PSMB2: variants seen among roughly 807,000 people sequenced by gnomAD.
The protein encoded by PSMB2 is proteasome 20S subunit beta 2, also known as proteasome subunit beta type-2.
A neutral mutation model predicts 25.7 loss-of-function variants in PSMB2; 13 were observed. That is an observed-to-expected ratio of 0.51 (90% CI 0.33 to 0.80). The LOEUF (loss-of-function observed/expected upper bound fraction) is 0.80. Ranked by LOEUF, PSMB2 falls within the 30% of genes least tolerant of loss-of-function variation. The pLI is 0.02. For missense variants in PSMB2, 202 were observed against 259.0 expected (o/e 0.78, Z 1.51); for synonymous variants, 87 against 96.2 (o/e 0.90, Z 0.56).
At chr1:35,609,908 C>G (rs80128410) in intron 3 of PSMB2, among the ~76,000 whole-genome samples, 1 of 152,082 alleles carries the variant, frequency 6.6e-6, no homozygotes, top group Non-Finnish European at 1.5e-5. Flanking sequence ...TATATATATA[C>G]ACACATACGA....
At chr1:35,608,694 C>T (rs1332623323) in intron 4 of PSMB2, among the ~76,000 whole-genome samples, 3 of 152,166 alleles carry the variant, frequency 2.0e-5, no homozygotes, top group Non-Finnish European at 2.9e-5. Flanking sequence ...AGTAGAGCGA[C>T]GGCTTTTTCT....
chr1:35,639,268 A>C (rs1001355900), intron 1 of PSMB2, among the ~76,000 whole-genome samples: 3 of 152,148 alleles, frequency 2.0e-5, no homozygotes, highest in Admixed American at 6.6e-5. Flanking sequence ...ATAAATAAAT[A>C]AAATAAATAA....
At position 35,633,240 on chromosome 1, in the gene PSMB2, A is replaced by G. The variant is rs189912194; in HGVS notation, c.215-1896T>C. ...TGACTCAAAAAAGAAAAAAAAAAAA[A>G]AAGAAGGAACCTAGACAAGTGGGAA... is the stretch of plus-strand genomic sequence containing the variant. On this transcript the variant is annotated intron_variant, in intron 2 of 5. Coordinates refer to ENST00000373237, the MANE Select transcript of PSMB2 (RefSeq NM_002794.5). Among the ~76,000 whole-genome samples the G allele has an allele frequency of 9.9e-5, 15 of 152,032 alleles. No homozygotes were observed. The East Asian group carries it at 2.7e-3, about 27-fold the overall frequency.
At chr1:35,612,078 G>T (rs540347438) in intron 3 of PSMB2, among the ~76,000 whole-genome samples, 1 of 152,200 alleles carries the variant, frequency 6.6e-6, no homozygotes, top group African/African-American at 2.4e-5. Context: ...CTCCAAATAA[G>T]TTTCTGTTTT....
At chr1:35,623,961 T>C (rs1178773910) in intron 3 of PSMB2, among the ~76,000 whole-genome samples, 3 of 152,172 alleles carry the variant, frequency 2.0e-5, no homozygotes, top group African/African-American at 7.2e-5. Context: ...GCCAGCCACC[T>C]AAGGCATGAG....
chr1:35,632,490 A>G (rs945056390), intron 2 of PSMB2, among the ~76,000 whole-genome samples: 2 of 152,256 alleles, frequency 1.3e-5, no homozygotes, highest in African/African-American at 4.8e-5. Context: ...TCAAATCCTA[A>G]CAAATATTTA....
In PSMB2 at chr1:35,603,331, C is replaced by T. The variant is rs775992910; in HGVS notation, c.542G>A (p.Arg181Gln). The T allele has an allele frequency of 2.7e-5, 43 of 1,613,968 alleles. No homozygotes were observed. Among genetic ancestry groups the T allele is most frequent in the Non-Finnish European group, 3.4e-5 (40 of 1,180,000 alleles). Reference sequence around the variant, plus strand: ...ATGGATGCCATTTTTGTCAATGATTCGAACACTGAAGGTTGGCAGATTCAG... The same window carrying T: ...ATGGATGCCATTTTTGTCAATGATTTGAACACTGAAGGTTGGCAGATTCAG... ...FILNLPTFSV[R>Q]IIDKNGIHDL... The change falls in exon 6 of 6, where the codon CGA (arginine) becomes CAA (glutamine). Residue 181 changes from arginine (R) to glutamine (Q), a missense_variant. Transcript: ENST00000373237.
At chr1:35,633,256 C>T (rs930106686) in intron 2 of PSMB2, among the ~76,000 whole-genome samples, 4 of 151,178 alleles carry the variant, frequency 2.6e-5, no homozygotes, top group African/African-American at 4.9e-5. Context: ...GGAACCTAGA[C>T]AAGTGGGAAT....
intron 3 of PSMB2, among the ~76,000 whole-genome samples, chr1:35,618,675 C>G (rs745771859): frequency 6.6e-6 from 1 of 151,970 alleles, no homozygotes; most frequent in Non-Finnish European, 1.5e-5. Flanking sequence ...AGCAGAGGTG[C>G]GAGAGAGAAC....
intron 3 of PSMB2, among the ~76,000 whole-genome samples, chr1:35,612,203 C>A (rs1650362313): frequency 6.6e-6 from 1 of 152,074 alleles, no homozygotes; most frequent in South Asian, 2.1e-4. Context: ...CGGCACTCTG[C>A]CAAGCTCTGG....
At chr1:35,610,597 G>A (rs1650300908) in intron 3 of PSMB2, among the ~76,000 whole-genome samples, 1 of 152,136 alleles carries the variant, frequency 6.6e-6, no homozygotes, top group Non-Finnish European at 1.5e-5. Context: ...CCAGGTTCAA[G>A]CGATTCTCCT....
chr1:35,611,431 C>T (rs891764211), intron 3 of PSMB2, among the ~76,000 whole-genome samples: 18 of 152,274 alleles, frequency 1.2e-4, no homozygotes, highest in African/African-American at 4.1e-4. Context: ...CAGCCTCAAA[C>T]TCCTAGGCTC....
chr1:35,628,506 A>T (rs539240449), intron 3 of PSMB2, among the ~76,000 whole-genome samples: 4 of 147,748 alleles, frequency 2.7e-5, no homozygotes, highest in African/African-American at 7.5e-5. Context: ...AGAAAAACTA[A>T]TATCTGACCC....
chr1:35,617,174 G>A (rs115013507), intron 3 of PSMB2, among the ~76,000 whole-genome samples: 2,228 of 152,138 alleles, frequency 0.015, 72 homozygotes, highest in African/African-American at 0.05. Flanking sequence ...TCAGCCTCTG[G>A]AGTAGCTGGT....
intron 2 of PSMB2, among the ~76,000 whole-genome samples, chr1:35,631,856 TA>T (rs968005558): frequency 6.6e-6 from 1 of 151,854 alleles, no homozygotes; most frequent in African/African-American, 2.4e-5. Flanking sequence ...CCCCCATCTC[TA>T]AAAAAAATTT....
At chr1:35,618,167 G>C (rs916313786) in intron 3 of PSMB2, among the ~76,000 whole-genome samples, 1 of 152,156 alleles carries the variant, frequency 6.6e-6, no homozygotes, top group East Asian at 1.9e-4. Flanking sequence ...GGCGGAGAGA[G>C]AGGTATGAAA....
chr1:35,622,106 T>C (rs1459969880), intron 3 of PSMB2, among the ~76,000 whole-genome samples: 1 of 152,174 alleles, frequency 6.6e-6, no homozygotes, highest in Admixed American at 6.5e-5. Context: ...ACCTTTCCCC[T>C]TGTGAAAAGC....
Position 35,601,531 on chromosome 1 carries a change from G to A in PSMB2, c.*1736C>T, listed in dbSNP as rs985480242. ...ACTCAATGATTAGCTTTCTTCTTAT[G>A]GTGTAAGGCATTTATCATTGGCGTA... On this transcript the variant is annotated 3_prime_UTR_variant, in exon 6 of 6. Transcript: ENST00000373237. 8.1e-6 allele frequency: 8 copies of A among 985,100 alleles called. No individual in the cohort carries two copies. The highest frequency in any genetic ancestry group is 5.2e-4 in the Middle Eastern group (1 of 1,936). 61.0% of individuals were successfully genotyped at this position (985,100 alleles called of 1,614,324 possible).
intron 2 of PSMB2, 164 bp from the exon 3 acceptor site, chr1:35,631,508 G>A (rs1651096956): frequency 2.8e-6 from 4 of 1,432,468 alleles, no homozygotes; most frequent in African/African-American, 1.4e-5. Flanking sequence ...CTTTCCTCAT[G>A]CAACAGCTAT....
Sources: allele counts gnomAD v4.1 joint callset (sites outside exome capture counted in the v4.1 genomes callset), GRCh38; gene constraint gnomAD v4.1.1; transcripts MANE v1.5; gene names NCBI Gene and HGNC (gene_info 2026-07-23, HGNC 2026-07-21).